Variants in NUAK1 observed in about 807,000 individuals in gnomAD.
NUAK1 encodes the protein NUAK family SNF1-like kinase 1.
In NUAK1, 26 loss-of-function variants were observed where a neutral mutation model predicts 56.9. That is an observed-to-expected ratio of 0.46 (90% CI 0.33 to 0.63). The LOEUF is 0.63. Ranked by LOEUF, NUAK1 falls within the 30% of genes least tolerant of loss-of-function variation. NUAK1 has a pLI of 0.02. For missense variants in NUAK1, 727 were observed against 876.1 expected, an observed-to-expected ratio of 0.83 and a Z score of 2.15; for synonymous variants, 337 against 336.0, an observed-to-expected ratio of 1.00 and a Z score of -0.03.
intron 4 of NUAK1, among the ~76,000 whole-genome samples, chr12:106,078,827 A>G (rs2032488057): frequency 6.6e-6 from 1 of 152,188 alleles, no homozygotes; most frequent in African/African-American, 2.4e-5. Context: ...CACAGCACAC[A>G]GCCCTGGCAT....
In NUAK1 at chr12:106,138,777, C is replaced by G; in HGVS notation, c.-124G>C. On this transcript the variant is annotated 5_prime_UTR_variant, in exon 1 of 7. Transcript: ENST00000261402. The surrounding 1 kb of genome is among the most constrained non-coding windows in gnomAD (Gnocchi z 5.0). ...CGCCCCCGCAGCATCAGGGAGGCGG[C>G]CCGATACCGCTCGGACTGCGGCTCG... 1 of 1,306,446 alleles carries G rather than the reference C, an allele frequency of 7.7e-7. No homozygotes were observed. Among genetic ancestry groups the G allele is most frequent in the Non-Finnish European group, 1.0e-6 (1 of 1,002,390 alleles). The allele number at this position is 1,306,446 out of a possible 1,614,324, so 80.9% of individuals were successfully genotyped here.
intron 1 of NUAK1, among the ~76,000 whole-genome samples, chr12:106,109,292 C>A (rs2059769): frequency 6.6e-6 from 1 of 151,942 alleles, no homozygotes; most frequent in Non-Finnish European, 1.5e-5. Flanking sequence ...GAGCAGACAC[C>A]GTGCTGAATG....
chr12:106,095,601 G>C (rs2032689367), intron 2 of NUAK1, among the ~76,000 whole-genome samples: 1 of 152,224 alleles, frequency 6.6e-6, no homozygotes, highest in Non-Finnish European at 1.5e-5. Flanking sequence ...AGTGTACGCA[G>C]AAGTGTTAGC....
intron 1 of NUAK1, among the ~76,000 whole-genome samples, chr12:106,120,029 C>G (rs1350284535): frequency 6.6e-6 from 1 of 152,150 alleles, no homozygotes. Flanking sequence ...AGTATTTCCA[C>G]TTAACCAAAG....
At position 106,138,674 on chromosome 12, in the gene NUAK1, G is replaced by A. The variant is rs2033154744; in HGVS notation, c.-21C>T. On this transcript the variant is annotated 5_prime_UTR_variant, in exon 1 of 7. Transcript: ENST00000261402. The surrounding 1 kb of genome is among the most constrained non-coding windows in gnomAD (Gnocchi z 5.0). Reference sequence around the variant, plus strand: ...TCCATGTCCAAGCGCGGGGCGAGCCGGGCTACAGAGGGCAAGACCGGGCAC... The same window carrying A: ...TCCATGTCCAAGCGCGGGGCGAGCCAGGCTACAGAGGGCAAGACCGGGCAC... The A allele has an allele frequency of 2.7e-6, 4 of 1,494,792 alleles. No individual in the cohort carries two copies. Among genetic ancestry groups the A allele is most frequent in the Non-Finnish European group, 3.5e-6 (4 of 1,132,042 alleles). The allele number at this position is 1,494,792 out of a possible 1,614,324, so 92.6% of individuals were successfully genotyped here. A position where few individuals can be genotyped will look rare whatever the true frequency, so the allele number is the denominator to read the frequency against.
Position 106,090,278 on chromosome 12 carries a change from A to G in NUAK1, c.362-3393T>C, listed in dbSNP as rs984323975. ...CCAGTCCCCCATAGGAAGAAGCCCA[A>G]GTCTCACGGTCAAGGCCCTGTCACC... On this transcript the variant is annotated intron_variant, in intron 2 of 6. Coordinates refer to ENST00000261402, the MANE Select transcript of NUAK1 (RefSeq NM_014840.3). Among the ~76,000 whole-genome samples the G allele has an allele frequency of 2.6e-5, 4 of 152,170 alleles. 1 individual carries two copies. The South Asian group carries it at 8.3e-4, about 32-fold the overall frequency.
intron 5 of NUAK1, among the ~76,000 whole-genome samples, chr12:106,071,500 A>C (rs902759802): frequency 1.3e-5 from 2 of 152,356 alleles, no homozygotes; most frequent in East Asian, 3.9e-4. Context: ...GCCTCTCCTT[A>C]GCTAATTGCT....
chr12:106,098,100 C>T (rs989731978), intron 2 of NUAK1, among the ~76,000 whole-genome samples: 4 of 152,202 alleles, frequency 2.6e-5, no homozygotes, highest in African/African-American at 9.7e-5. Context: ...CTCTTGATTT[C>T]TCTTCTGCTT....
intron 2 of NUAK1, among the ~76,000 whole-genome samples, chr12:106,097,015 G>A (rs2032702603): frequency 1.3e-5 from 2 of 152,130 alleles, no homozygotes; most frequent in Non-Finnish European, 1.5e-5. Context: ...TTCTACTCCA[G>A]CCAGAAAGGA....
chr12:106,127,281 T>A (rs1252707203), intron 1 of NUAK1, among the ~76,000 whole-genome samples: 2 of 152,142 alleles, frequency 1.3e-5, no homozygotes, highest in East Asian at 3.8e-4. Context: ...CCTCCCATCT[T>A]GGCCCCCCAA....
intron 4 of NUAK1, among the ~76,000 whole-genome samples, chr12:106,081,413 C>T (rs547024944): frequency 2.0e-4 from 31 of 152,334 alleles, no homozygotes; most frequent in South Asian, 1.0e-3. Context: ...CTCTTTGGGA[C>T]GTATGTGTGC....
At chr12:106,110,655 G>A (rs2032849824) in intron 1 of NUAK1, among the ~76,000 whole-genome samples, 1 of 152,198 alleles carries the variant, frequency 6.6e-6, no homozygotes, top group African/African-American at 2.4e-5. Flanking sequence ...AGAGGAGGAG[G>A]GAACTCAGGT....
chr12:106,138,570 C>T lies in NUAK1; in HGVS notation c.84G>A (p.Ala28=), dbSNP rs958774450. The change falls in exon 1 of 7, where the codon GCG becomes GCA. Residue 28 remains alanine (A), a synonymous_variant. Coordinates refer to ENST00000261402, the MANE Select transcript of NUAK1 (RefSeq NM_014840.3). This position sits in a 1 kb window ranked among gnomAD's most constrained non-coding sequence, Gnocchi z 5.0. ...GAPGSPREAV[A]GATAALEPRK... ...TGGGCTCCAGGGCTGCAGTCGCCCC[C>T]GCCACCGCCTCTCGGGGAGAGCCCG... 37 of 1,604,270 alleles carry T rather than the reference C, an allele frequency of 2.3e-5. No homozygotes were observed. Among genetic ancestry groups the T allele is most frequent in the Non-Finnish European group, 3.0e-5 (35 of 1,178,650 alleles).
In NUAK1 at chr12:106,067,521, G is replaced by C; in HGVS notation, c.1267C>G (p.Pro423Ala). 6.2e-7 allele frequency: 1 copy of C among 1,614,174 alleles called. No homozygotes were observed. Among genetic ancestry groups the C allele is most frequent in the African/African-American group, 1.3e-5 (1 of 75,048 alleles). ...STGFIEGVVGPALPSTFKMEQ... is the reference protein window; with the variant it reads ...STGFIEGVVGAALPSTFKMEQ... ...ATCTTGAAAGTAGAGGGTAAGGCAG[G>C]ACCAACTACACCTTCAATGAAGCCA... The change falls in exon 7 of 7, where the codon CCT (proline) becomes GCT (alanine). Residue 423 changes from proline (P) to alanine (A), a missense_variant. Transcript: ENST00000261402. The surrounding 1 kb of genome is among the most constrained non-coding windows in gnomAD (Gnocchi z 6.0).
At chr12:106,125,857 G>A (rs2136482369) in intron 1 of NUAK1, among the ~76,000 whole-genome samples, 1 of 152,178 alleles carries the variant, frequency 6.6e-6, no homozygotes, top group East Asian at 1.9e-4. Flanking sequence ...GTCTTTCCAG[G>A]CAAACACGTT....
intron 2 of NUAK1, among the ~76,000 whole-genome samples, chr12:106,089,488 C>CTCTACAATA (rs2032612753): frequency 6.6e-6 from 1 of 152,222 alleles, no homozygotes; most frequent in African/African-American, 2.4e-5. Flanking sequence ...CTGATCCTGT[C>CTCTACAATA]TCTACAATAT....
intron 4 of NUAK1, among the ~76,000 whole-genome samples, chr12:106,073,430 T>C (rs763461785): frequency 6.6e-6 from 1 of 152,194 alleles, no homozygotes; most frequent in Non-Finnish European, 1.5e-5. Context: ...TGAGTCATCA[T>C]ATTTCAGTCC....
chr12:106,078,641 G>C (rs777943819), intron 4 of NUAK1, among the ~76,000 whole-genome samples: 1 of 152,222 alleles, frequency 6.6e-6, no homozygotes, highest in Non-Finnish European at 1.5e-5. Flanking sequence ...AAGGCAGGGA[G>C]TGGAACAAGG....
chr12:106,123,704 A>G (rs556591595), intron 1 of NUAK1, among the ~76,000 whole-genome samples: 2 of 152,282 alleles, frequency 1.3e-5, no homozygotes, highest in East Asian at 3.9e-4. Context: ...ATAGCCCATG[A>G]TCAGTTGAAA....
Sources: gnomAD v4.1 joint callset for allele counts (sites outside exome capture counted in the v4.1 genomes callset) on GRCh38, gnomAD v4.1.1 for gene constraint, Gnocchi (gnomAD v3.1) non-coding constraint, MANE v1.5 for transcripts, NCBI Gene and HGNC (gene_info 2026-07-23, HGNC 2026-07-21) for gene names.